Variants in CAMK4 observed in about 807,000 individuals in gnomAD.
CAMK4 encodes the protein calcium/calmodulin dependent protein kinase IV, also known as calcium/calmodulin-dependent protein kinase type IV.
Under a neutral mutation model 44.9 loss-of-function variants are expected in CAMK4, and 22 were observed. The ratio of observed to expected loss-of-function variants is 0.49; its 90% confidence interval spans 0.35 to 0.70. The LOEUF is 0.70. Ranked by LOEUF, CAMK4 falls within the 30% of genes least tolerant of loss-of-function variation. CAMK4 has a pLI of 0.01. For synonymous variants in CAMK4, 218 were observed against 215.4 expected, an observed-to-expected ratio of 1.01 and a Z score of -0.11; for missense variants, 498 against 586.8, an observed-to-expected ratio of 0.85 and a Z score of 1.56.
At chr5:111,362,881 C>G (rs918092924) in intron 2 of CAMK4, among the ~76,000 whole-genome samples, 1 of 152,058 alleles carries the variant, frequency 6.6e-6, no homozygotes, top group African/African-American at 2.4e-5. Flanking sequence ...ATAGTTGCTT[C>G]TTTGAGAATG....
chr5:111,252,275 G>A (rs988844640), intron 1 of CAMK4, among the ~76,000 whole-genome samples: 23 of 152,146 alleles, frequency 1.5e-4, no homozygotes, highest in African/African-American at 5.6e-4. Context: ...GTTGGCTGCT[G>A]TAGTATCATC....
chr5:111,439,357 G>T (rs528796251), intron 5 of CAMK4, among the ~76,000 whole-genome samples: 18 of 152,154 alleles, frequency 1.2e-4, no homozygotes, highest in Non-Finnish European at 2.1e-4. Flanking sequence ...CATGCTAGTG[G>T]CCTGGCTGGA....
In CAMK4 at chr5:111,449,181, A is replaced by G. The variant is rs868512044; in HGVS notation, c.603A>G (p.Val201=). Residue 201 remains valine (V), a synonymous_variant, in exon 7 of 11, where the codon GTA becomes GTG. Transcript: ENST00000282356. ...AACATCAAGTGCTCATGAAGACAGT[A>G]TGTGGAACCCCAGGGTACTGCGGTA... ...IVEHQVLMKT[V]CGTPGYCAPE... The G allele has an allele frequency of 2.2e-5, 35 of 1,567,124 alleles. 2 individuals carry two copies. The Middle Eastern group carries it at 5.7e-3, about 255-fold the overall frequency.
chr5:111,442,368 G>A (rs1263271988), intron 5 of CAMK4, among the ~76,000 whole-genome samples: 3 of 152,130 alleles, frequency 2.0e-5, no homozygotes, highest in African/African-American at 7.2e-5. Flanking sequence ...ATGGTGGCGC[G>A]TGCCTGTTGT....
intron 1 of CAMK4, among the ~76,000 whole-genome samples, chr5:111,272,340 G>T: frequency 6.6e-6 from 1 of 151,894 alleles, no homozygotes; most frequent in East Asian, 1.9e-4. Context: ...TCTCTGTTGT[G>T]CTACAGAAAG....
intron 2 of CAMK4, among the ~76,000 whole-genome samples, chr5:111,346,482 T>TTATCTATCTATCTATC (rs58011893): frequency 0.033 from 4,944 of 149,986 alleles, 106 homozygotes; most frequent in East Asian, 0.05. Flanking sequence ...GCTTGAAACT[T>TTATCTATCTATCTATC]TATCTATCTA....
At chr5:111,225,698 G>C (rs1340519651) in intron 1 of CAMK4, among the ~76,000 whole-genome samples, 2 of 152,102 alleles carry the variant, frequency 1.3e-5, no homozygotes, top group African/African-American at 4.8e-5. Context: ...TCCAGAGCAG[G>C]ATTCTGGATG....
intron 5 of CAMK4, among the ~76,000 whole-genome samples, chr5:111,424,507 T>C (rs1371717177): frequency 7.3e-6 from 1 of 137,364 alleles, no homozygotes; most frequent in African/African-American, 2.8e-5. Flanking sequence ...TGCAGTGGTG[T>C]GATCTCGGCT....
At chr5:111,434,702 T>C (rs940975527) in intron 5 of CAMK4, among the ~76,000 whole-genome samples, 2 of 152,216 alleles carry the variant, frequency 1.3e-5, no homozygotes, top group Non-Finnish European at 2.9e-5. Context: ...TAGTACCTAC[T>C]AGGTCTCCAA....
At chr5:111,272,855 T>C (rs1192821253) in intron 1 of CAMK4, among the ~76,000 whole-genome samples, 2 of 152,170 alleles carry the variant, frequency 1.3e-5, no homozygotes, top group African/African-American at 4.8e-5. Context: ...ATGAATTTGC[T>C]AGGACTATCG....
At chr5:111,341,587 C>A (rs1749647593) in intron 1 of CAMK4, among the ~76,000 whole-genome samples, 1 of 150,580 alleles carries the variant, frequency 6.6e-6, no homozygotes. Context: ...TAGGAATACA[C>A]CAAGAATTAC....
chr5:111,437,070 G>A (rs545961605), intron 5 of CAMK4, among the ~76,000 whole-genome samples: 1 of 152,242 alleles, frequency 6.6e-6, no homozygotes, highest in East Asian at 1.9e-4. Flanking sequence ...AAAGTGACAA[G>A]GTAAATCTCA....
intron 5 of CAMK4, among the ~76,000 whole-genome samples, chr5:111,439,781 G>A (rs577625096): frequency 6.6e-6 from 1 of 152,248 alleles, no homozygotes; most frequent in East Asian, 1.9e-4. Context: ...CTAAGCAAGT[G>A]GAAGACCTGG....
intron 5 of CAMK4, among the ~76,000 whole-genome samples, chr5:111,414,225 A>G (rs950626245): frequency 6.6e-6 from 1 of 152,226 alleles, no homozygotes; most frequent in Non-Finnish European, 1.5e-5. Flanking sequence ...CCCAAAGCAC[A>G]GAGTATTGCC....
At chr5:111,296,690 A>G (rs114113186) in intron 1 of CAMK4, among the ~76,000 whole-genome samples, 16 of 152,308 alleles carry the variant, frequency 1.1e-4, no homozygotes, top group African/African-American at 3.6e-4. Flanking sequence ...TCAGTAACTG[A>G]AAGTGGAGTT....
chr5:111,484,458 G>A lies in CAMK4; in HGVS notation c.1414G>A (p.Glu472Lys), dbSNP rs202093306. ...EVPQQDVILP[E>K]Y Reference sequence around the variant, plus strand: ...TCCACAGCAAGATGTGATCCTGCCAGAGTACTAAACAGCTTCCTTCAGATC... The same window carrying A: ...TCCACAGCAAGATGTGATCCTGCCAAAGTACTAAACAGCTTCCTTCAGATC... Residue 472 changes from glutamate (E) to lysine (K), a missense_variant, in exon 11 of 11, where the codon GAG becomes AAG. Glu to Lys is a moderately conservative substitution (Grantham distance 56). This residue lies in a region of CAMK4 where 143 missense variants were observed against 144.9 expected (regional missense o/e 0.99). Coordinates refer to ENST00000282356, the MANE Select transcript of CAMK4 (RefSeq NM_001744.6). This position sits in a 1 kb window ranked among gnomAD's most constrained non-coding sequence, Gnocchi z 5.3. The A allele has an allele frequency of 1.3e-6, 2 of 1,516,578 alleles. No individual in the cohort carries two copies. The highest frequency in any genetic ancestry group is 1.8e-6 in the Non-Finnish European group (2 of 1,133,886). 93.9% of individuals were successfully genotyped at this position (1,516,578 alleles called of 1,614,324 possible).
chr5:111,314,678 T>C (rs1348058914), intron 1 of CAMK4, among the ~76,000 whole-genome samples: 4 of 152,210 alleles, frequency 2.6e-5, no homozygotes, highest in East Asian at 3.9e-4. Context: ...GTGTGTTTCA[T>C]TTCTGTTCTT....
intron 1 of CAMK4, among the ~76,000 whole-genome samples, chr5:111,324,959 C>T (rs1173539800): frequency 6.6e-6 from 1 of 151,758 alleles, no homozygotes; most frequent in Non-Finnish European, 1.5e-5. Flanking sequence ...TGTTTTAAGC[C>T]CCGCGTGCAT....
At chr5:111,396,658 T>TTTTTTG (rs1752023463) in intron 5 of CAMK4, among the ~76,000 whole-genome samples, 1 of 128,482 alleles carries the variant, frequency 7.8e-6, no homozygotes. Context: ...TTTTTTTTTT[T>TTTTTTG]GAGATGGAGT....
Sources: allele counts gnomAD v4.1 joint callset (sites outside exome capture counted in the v4.1 genomes callset), GRCh38; gene constraint gnomAD v4.1.1; regional missense constraint gnomAD v4.1.1; non-coding constraint Gnocchi (gnomAD v3.1); transcripts MANE v1.5; gene names NCBI Gene and HGNC (gene_info 2026-07-23, HGNC 2026-07-21).